The following PRPH2 variants were observed in gnomAD, a reference collection of about 807,000 sequenced individuals.
PRPH2 encodes peripherin 2.
Under a neutral mutation model 31.3 loss-of-function variants are expected in PRPH2, and 17 were observed. The observed-to-expected ratio is 0.54, with a 90% CI of 0.37 to 0.81. PRPH2 has a LOEUF of 0.81. Ranked by LOEUF, PRPH2 falls within the 40% of genes least tolerant of loss-of-function variation. The pLI, the probability that PRPH2 is intolerant of heterozygous loss-of-function variation, is 0.00. For missense variants in PRPH2, 430 were observed against 439.7 expected (o/e 0.98, Z 0.20); for synonymous variants, 165 against 184.4 (o/e 0.89, Z 0.85).
intron 1 of PRPH2, among the ~76,000 whole-genome samples, chr6:42,719,314 T>G (rs1761852331): frequency 6.6e-6 from 1 of 151,908 alleles, no homozygotes; most frequent in Admixed American, 6.6e-5. Flanking sequence ...GTAGCTGAGA[T>G]TACAGGCATG....
At chr6:42,700,124 C>T (rs992916869) in intron 2 of PRPH2, among the ~76,000 whole-genome samples, 1 of 152,052 alleles carries the variant, frequency 6.6e-6, no homozygotes, top group Non-Finnish European at 1.5e-5. Flanking sequence ...TGGCACCACG[C>T]CTGGCTAATT....
At chr6:42,714,719 T>C (rs907164112) in intron 1 of PRPH2, among the ~76,000 whole-genome samples, 2 of 152,154 alleles carry the variant, frequency 1.3e-5, no homozygotes, top group African/African-American at 4.8e-5. Context: ...GGTTTCACTA[T>C]GTTGCCCATG....
At position 42,721,929 on chromosome 6, in the gene PRPH2, T is replaced by C; in HGVS notation, c.406A>G (p.Asn136Asp). ...LENTLGQGLK[N>D]GMKYYRDTDT... is the part of the protein sequence containing the mutation. The stretch of plus-strand genomic sequence containing the variant: ...GTGTCCCGGTAGTACTTCATGCCGT[T>C]CTTGAGCCCTTGGCCCAGGGTGTTC... The change falls in exon 1 of 3, where the codon AAC (asparagine) becomes GAC (aspartate). Residue 136 changes from asparagine (N) to aspartate (D), a missense_variant. Asn to Asp is a conservative substitution (Grantham distance 23, BLOSUM62 1). Transcript: ENST00000230381. 6.2e-7 allele frequency: 1 copy of C among 1,614,152 alleles called. No homozygotes were observed. Among genetic ancestry groups the C allele is most frequent in the Middle Eastern group, 1.6e-4 (1 of 6,062 alleles).
intron 2 of PRPH2, 110 bp downstream of exon 2, chr6:42,704,255 C>A: frequency 7.0e-7 from 1 of 1,436,786 alleles, no homozygotes; most frequent in Non-Finnish European, 9.6e-7. Context: ...CCACTGAAGG[C>A]TGTTTCCAAA....
intron 1 of PRPH2, among the ~76,000 whole-genome samples, chr6:42,718,463 G>C (rs1761831507): frequency 6.6e-6 from 1 of 151,834 alleles, no homozygotes; most frequent in Non-Finnish European, 1.5e-5. Flanking sequence ...GTGAGACCCT[G>C]CCTCAAAATA....
intron 1 of PRPH2, among the ~76,000 whole-genome samples, chr6:42,706,553 C>T (rs1358713851): frequency 2.0e-5 from 3 of 149,070 alleles, no homozygotes; most frequent in East Asian, 1.9e-4. Flanking sequence ...TGCAGTGAGC[C>T]GAGATCACGC....
At chr6:42,711,819 C>T in intron 1 of PRPH2, 1 of 985,390 alleles carries the variant, frequency 1.0e-6, no homozygotes, top group Non-Finnish European at 1.2e-6. Flanking sequence ...CCAGCTTCTC[C>T]CTCAGACTGG....
At chr6:42,700,429 G>C (rs1024870657) in intron 2 of PRPH2, among the ~76,000 whole-genome samples, 4 of 152,190 alleles carry the variant, frequency 2.6e-5, no homozygotes, top group African/African-American at 9.7e-5. Context: ...GGCTCACTCA[G>C]AATCCCAGCA....
intron 1 of PRPH2, among the ~76,000 whole-genome samples, chr6:42,716,178 A>G (rs1475536519): frequency 3.9e-5 from 6 of 152,082 alleles, no homozygotes; most frequent in Non-Finnish European, 8.8e-5. Context: ...TCGCTTCCCC[A>G]CAGTCCTCAG....
chr6:42,704,569 G>T lies in PRPH2; in HGVS notation c.624C>A (p.Gly208=). 1 of 1,614,158 alleles carries T rather than the reference G, an allele frequency of 6.2e-7. No individual in the cohort carries two copies. Among genetic ancestry groups the T allele is most frequent in the Non-Finnish European group, 8.5e-7 (1 of 1,180,022 alleles). ...TAGGATTGCAGCAGCTGAAAGGGAC[G>T]CCGTCCACCAGGTACCGCCCATCCA... ...SNVDGRYLVD[G]VPFSCCNPSS... Residue 208 remains glycine, a synonymous_variant, in exon 2 of 3, where the codon GGC becomes GGA. Transcript: ENST00000230381.
chr6:42,710,612 A>AATTTCACTCT (rs1800259085), intron 1 of PRPH2, among the ~76,000 whole-genome samples: 1 of 152,150 alleles, frequency 6.6e-6, no homozygotes, highest in Non-Finnish European at 1.5e-5. Flanking sequence ...CCAGGCTACG[A>AATTTCACTCT]ATTTCACTCT....
rs3818087 is a variant in PRPH2 at position 42,704,669 on chromosome 6, T to C, written c.582-58A>G. The C allele has an allele frequency of 0.28, 458,940 of 1,611,782 alleles. 67,589 individuals are homozygous for C. The highest frequency in any genetic ancestry group is 0.44 in the East Asian group (19,830 of 44,818). On this transcript the variant is annotated intron_variant, in intron 1 of 2. Transcript: ENST00000230381. ...TCCCGGGCTTCTCAACAGGGGCCAC[T>C]TCCTCCCAACCCCTGCCTCTGGAAA...
Position 42,698,251 on chromosome 6 carries a change from T to G in PRPH2, c.*44A>C. 1.9e-6 allele frequency: 3 copies of G among 1,609,982 alleles called. No homozygotes were observed. The highest frequency in any genetic ancestry group is 3.4e-5 in the Admixed American group (2 of 59,570). ...AGGGGGAGATCCACGTTTCTTGGAG[T>G]GCACTATTTCTCAGTGTTCGGGAGG... is the stretch of plus-strand genomic sequence containing the variant. On this transcript the variant is annotated 3_prime_UTR_variant, in exon 3 of 3. Transcript: ENST00000230381.
intron 2 of PRPH2, 84 bp from the exon 3 acceptor site, chr6:42,698,591 T>C (rs925195586): frequency 6.4e-7 from 1 of 1,574,526 alleles, no homozygotes; most frequent in Admixed American, 1.8e-5. Context: ...AGCCTCAAAT[T>C]GAGGGTCCCA....
intron 1 of PRPH2, among the ~76,000 whole-genome samples, chr6:42,710,398 A>T (rs936931816): frequency 5.9e-5 from 9 of 152,150 alleles, no homozygotes; most frequent in Admixed American, 5.9e-4. Flanking sequence ...GAACGTTGGG[A>T]CCTGCCTGGG....
intron 1 of PRPH2, among the ~76,000 whole-genome samples, chr6:42,709,186 C>G (rs562027953): frequency 6.6e-6 from 1 of 151,860 alleles, no homozygotes; most frequent in African/African-American, 2.4e-5. Context: ...AAAAATTAGC[C>G]GGGCGTGGTG....
chr6:42,720,507 T>C (rs1376575352), intron 1 of PRPH2, among the ~76,000 whole-genome samples: 1 of 152,090 alleles, frequency 6.6e-6, no homozygotes, highest in African/African-American at 2.4e-5. Context: ...TGACTGGGGA[T>C]TTGCAGCAGT....
chr6:42,715,337 T>C (rs1582774468), intron 1 of PRPH2, among the ~76,000 whole-genome samples: 1 of 151,978 alleles, frequency 6.6e-6, no homozygotes, highest in African/African-American at 2.4e-5. Context: ...CATAGGCAGG[T>C]TGGGGATGGG....
At position 42,704,165 on chromosome 6, in the gene PRPH2, G is replaced by GAATGAATAAATA. The variant is rs1554269013; in HGVS notation, c.828+199_828+200insTATTTATTCATT. On this transcript the variant is annotated intron_variant, in intron 2 of 2. Transcript: ENST00000230381. ...GAAAGAAACCAAAAAAGAAATAAAT[G>GAATGAATAAATA]AATAAATAAATAAATAAATAAATAC... Among the ~76,000 whole-genome samples the GAATGAATAAATA allele has an allele frequency of 2.7e-3, 412 of 150,230 alleles. 2 individuals carry two copies. Among genetic ancestry groups the GAATGAATAAATA allele is most frequent in the African/African-American group, 9.7e-3 (396 of 40,746 alleles).
Sources: allele counts gnomAD v4.1 joint callset (sites outside exome capture counted in the v4.1 genomes callset), GRCh38; gene constraint gnomAD v4.1.1; transcripts MANE v1.5; gene names NCBI Gene and HGNC (gene_info 2026-07-23, HGNC 2026-07-21).